Variants in CEP83 observed in about 807,000 individuals in gnomAD.
CEP83 encodes the protein centrosomal protein of 83 kDa.
Under a neutral mutation model 101.9 loss-of-function variants are expected in CEP83, and 70 were observed. That is an observed-to-expected ratio of 0.69 (90% confidence interval 0.57 to 0.84). CEP83 has a LOEUF of 0.84. CEP83 is among the 40% of genes least tolerant of loss of function. The pLI, the probability that CEP83 is intolerant of heterozygous loss-of-function variation, is 0.00. For synonymous variants in CEP83, 264 were observed against 267.9 expected, an observed-to-expected ratio of 0.99 and a Z score of 0.14; for missense variants, 715 against 787.2, an observed-to-expected ratio of 0.91 and a Z score of 1.10.
intron 16 of CEP83, among the ~76,000 whole-genome samples, chr12:94,309,176 A>G (rs575065549): frequency 3.1e-4 from 47 of 152,296 alleles, no homozygotes; most frequent in African/African-American, 1.1e-3. Context: ...ATTAGAAAAT[A>G]CTAATGCAGG....
intron 14 of CEP83, among the ~76,000 whole-genome samples, chr12:94,314,903 C>T (rs1970422306): frequency 6.6e-6 from 1 of 152,166 alleles, no homozygotes. Context: ...AACATTTTAT[C>T]TATATGACTA....
Position 94,434,468 on chromosome 12 carries a change from G to A in CEP83, c.-102+807C>T, listed in dbSNP as rs116245759. ...TTACAGCAGAGACGTAAGAAAACCG[G>A]TTTAGAAAATAGGAAAGCTCAAAAC... On this transcript the variant is annotated intron_variant, in intron 2 of 16. Transcript: ENST00000397809. Among the ~76,000 whole-genome samples the A allele has an allele frequency of 6.1e-3, 934 of 152,246 alleles. 6 individuals are homozygous for A. Among genetic ancestry groups the A allele is most frequent in the African/African-American group, 0.021 (865 of 41,554 alleles).
chr12:94,352,601 A>C (rs1429413725), intron 11 of CEP83, among the ~76,000 whole-genome samples: 1 of 152,124 alleles, frequency 6.6e-6, no homozygotes, highest in Non-Finnish European at 1.5e-5. Context: ...AATTCAACGA[A>C]ATCAGGAAAA....
chr12:94,290,415 G>A, the CEP83 span, among the ~76,000 whole-genome samples: 5 of 152,244 alleles, frequency 3.3e-5, no homozygotes, highest in East Asian at 1.9e-4. Context: ...GAGGATGCTC[G>A]TTAATAGGAG....
intron 10 of CEP83, 31 bp from the exon 11 acceptor site, chr12:94,367,974 G>A: frequency 8.7e-6 from 14 of 1,608,012 alleles, no homozygotes; most frequent in Non-Finnish European, 1.2e-5. Context: ...TATGTTACAA[G>A]AACTATAATA....
intron 5 of CEP83, among the ~76,000 whole-genome samples, chr12:94,401,676 A>G (rs1212101377): frequency 6.6e-6 from 1 of 152,226 alleles, no homozygotes; most frequent in Non-Finnish European, 1.5e-5. Context: ...CCAGCTCACC[A>G]TAAATCTTTA....
At chr12:94,376,057 C>T in intron 7 of CEP83, 40 bp from the exon 8 acceptor site, 1 of 1,287,124 alleles carries the variant, frequency 7.8e-7, no homozygotes. Context: ...CATCATTTTT[C>T]AAGTATTTCA....
the CEP83 span, among the ~76,000 whole-genome samples, chr12:94,267,039 CTT>C: frequency 6.6e-6 from 1 of 152,232 alleles, no homozygotes; most frequent in Non-Finnish European, 1.5e-5. Context: ...AAGAGACAAA[CTT>C]TGCACAGGGC....
chr12:94,295,543 G>C, the CEP83 span, among the ~76,000 whole-genome samples: 2 of 152,228 alleles, frequency 1.3e-5, no homozygotes, highest in East Asian at 3.9e-4. Flanking sequence ...AGTCAACACT[G>C]CTGCTAGTTT....
At position 94,375,911 on chromosome 12, in the gene CEP83, C is replaced by T. The variant is rs754009093; in HGVS notation, c.908G>A (p.Arg303Gln). Residue 303 changes from arginine to glutamine, a missense_variant, in exon 8 of 17, where the codon CGA (arginine) becomes CAA (glutamine). By Grantham distance (43) the Arg-to-Gln change is conservative (BLOSUM62 1). Coordinates refer to ENST00000397809, the MANE Select transcript of CEP83 (RefSeq NM_016122.3). ...TTTACTGGACAATGTATTTATTTCT[C>T]GTTCAGCTTTATGCAATTTATTAAT... ...FLINKLHKAEREINTLSSKVK... is the reference protein window; with the variant it reads ...FLINKLHKAEQEINTLSSKVK... 43 of 1,499,028 alleles carry T rather than the reference C, an allele frequency of 2.9e-5. No individual in the cohort carries two copies. Among genetic ancestry groups the T allele is most frequent in the Middle Eastern group, 1.8e-4 (1 of 5,672 alleles). The allele number at this position is 1,499,028 out of a possible 1,614,324, so 92.9% of individuals were successfully genotyped here. A position where few individuals can be genotyped will look rare whatever the true frequency, so the allele number is the denominator to read the frequency against.
the CEP83 span, chr12:94,294,585 A>G: frequency 1.2e-6 from 1 of 854,196 alleles, no homozygotes; most frequent in Non-Finnish European, 1.9e-6. Flanking sequence ...ACCCAGCTTC[A>G]TAAAGTATTG....
At chr12:94,415,673 C>T (rs566500986) in intron 2 of CEP83, among the ~76,000 whole-genome samples, 1 of 128,370 alleles carries the variant, frequency 7.8e-6, no homozygotes, top group East Asian at 2.1e-4. Context: ...TTTACATGCA[C>T]TTACTATGGC....
chr12:94,291,813 G>A, the CEP83 span, among the ~76,000 whole-genome samples: 1 of 152,082 alleles, frequency 6.6e-6, no homozygotes, highest in South Asian at 2.1e-4. Context: ...TGCTACAAGG[G>A]TATACTGCAT....
At chr12:94,428,624 T>C (rs144780901) in intron 2 of CEP83, among the ~76,000 whole-genome samples, 281 of 152,266 alleles carry the variant, frequency 1.8e-3, no homozygotes, top group Admixed American at 3.1e-3. Flanking sequence ...ACAAAGCAAG[T>C]ATAAAATTTT....
intron 11 of CEP83, among the ~76,000 whole-genome samples, chr12:94,365,411 T>A (rs1200669636): frequency 6.6e-6 from 1 of 152,208 alleles, no homozygotes; most frequent in African/African-American, 2.4e-5. Flanking sequence ...GAATTCACCC[T>A]GAAGATACAC....
At chr12:94,310,706 AG>A (rs1384097595) in intron 15 of CEP83, among the ~76,000 whole-genome samples, 1 of 152,230 alleles carries the variant, frequency 6.6e-6, no homozygotes, top group Non-Finnish European at 1.5e-5. Context: ...CATGTTGTCA[AG>A]GGTCAAGTGT....
chr12:94,374,495 T>C (rs1167017359), intron 8 of CEP83, among the ~76,000 whole-genome samples: 7 of 152,236 alleles, frequency 4.6e-5, no homozygotes, highest in Non-Finnish European at 1.0e-4. Flanking sequence ...ACTTGTGTTT[T>C]GTATCTATTT....
At chr12:94,452,672 A>C (rs2067345214) in intron 1 of CEP83, among the ~76,000 whole-genome samples, 1 of 152,210 alleles carries the variant, frequency 6.6e-6, no homozygotes, top group Admixed American at 6.5e-5. Context: ...TCCATAGAGG[A>C]AGATATCAAA....
At chr12:94,324,969 T>C (rs565027278) in intron 14 of CEP83, among the ~76,000 whole-genome samples, 2 of 152,300 alleles carry the variant, frequency 1.3e-5, no homozygotes, top group Admixed American at 1.3e-4. Context: ...TCTAGCTCCC[T>C]GGGCCTCCTG....
Sources: allele counts gnomAD v4.1 joint callset (sites outside exome capture counted in the v4.1 genomes callset), GRCh38; gene constraint gnomAD v4.1.1; transcripts MANE v1.5; gene names NCBI Gene and HGNC (gene_info 2026-07-23, HGNC 2026-07-21).